ABL2: variants seen among roughly 807,000 people sequenced by gnomAD.
ABL2 encodes tyrosine-protein kinase ABL2.
Under a neutral mutation model 107.7 loss-of-function variants are expected in ABL2, and 49 were observed. That is an observed-to-expected ratio of 0.45 (90% CI 0.36 to 0.58). The LOEUF (loss-of-function observed/expected upper bound fraction) is 0.58. ABL2 is among the 20% of genes least tolerant of loss of function. The pLI is 0.00. For missense variants in ABL2, 1,245 were observed against 1,457.0 expected (o/e 0.85, Z 2.37); for synonymous variants, 549 against 548.6 (o/e 1.00, Z -0.01).
Position 179,108,085 on chromosome 1 carries a change from C to A in ABL2, c.3182G>T (p.Gly1061Val). The change falls in exon 12 of 12, where the codon GGC becomes GTC. Residue 1061 changes from glycine (G) to valine (V), a missense_variant. Physicochemically the swap from Gly to Val is moderately radical, Grantham distance 109. This residue lies in a region of ABL2 where 761 missense variants were observed against 766.4 expected (regional missense o/e 0.99). Transcript: ENST00000502732. ...SSISPAKMAN[G>V]TAGTKVALRK... ...CAGAGCCACTTTAGTACCTGCTGTG[C>A]CATTGGCCATTTTGGCTGGCGAGAT... is the stretch of plus-strand genomic sequence containing the variant. 1 of 1,614,230 alleles carries A rather than the reference C, an allele frequency of 6.2e-7. No individual in the cohort carries two copies. The highest frequency in any genetic ancestry group is 8.5e-7 in the Non-Finnish European group (1 of 1,180,044).
chr1:179,117,277 G>C (rs1314436965), intron 8 of ABL2, 55 bp downstream of exon 8: 16 of 1,518,754 alleles, frequency 1.1e-5, no homozygotes, highest in East Asian at 2.3e-5. Context: ...AAGAATCAAG[G>C]CATTTATAAA....
At chr1:179,116,593 C>T (rs1393454263) in intron 8 of ABL2, among the ~76,000 whole-genome samples, 2 of 151,456 alleles carry the variant, frequency 1.3e-5, no homozygotes, top group Admixed American at 6.6e-5. Flanking sequence ...TCACCGCAAC[C>T]TCCACCTCCC....
intron 1 of ABL2, among the ~76,000 whole-genome samples, chr1:179,223,412 C>CA (rs34625592): frequency 0.51 from 67,217 of 132,120 alleles, 16,127 homozygotes; most frequent in Admixed American, 0.56. Context: ...GACCCTGTCT[C>CA]AAAAAAAAAA....
Position 179,102,188 on chromosome 1 carries a change from T to A in ABL2, c.*5530A>T. 1 of 168,992 alleles carries A rather than the reference T, an allele frequency of 5.9e-6. No homozygotes were observed. Among genetic ancestry groups the A allele is most frequent in the Non-Finnish European group, 1.3e-5 (1 of 77,768 alleles). The allele number at this position is 168,992 out of a possible 1,614,324, so 10.5% of individuals were successfully genotyped here. A position where few individuals can be genotyped will look rare whatever the true frequency, so the allele number is the denominator to read the frequency against. On this transcript the variant is annotated 3_prime_UTR_variant, in exon 12 of 12. Transcript: ENST00000502732. ...CACCACGCCCAGCTAAGTTTTTGTA[T>A]TTTTAGTAGAGGTGGGGTTTCACCG...
intron 6 of ABL2, 83 bp from the exon 7 acceptor site, chr1:179,118,847 T>A: frequency 6.9e-7 from 1 of 1,449,434 alleles, no homozygotes; most frequent in Non-Finnish European, 9.5e-7. Context: ...AATTTGACAA[T>A]TTTTCAGGTC....
intron 1 of ABL2, chr1:179,183,954 A>G (rs980733805): frequency 3.7e-6 from 1 of 267,566 alleles, no homozygotes. Context: ...CGAAGAGAGA[A>G]AAAGAACAGC....
rs563394402 is a variant in ABL2, at chr1:179,173,510, G to C, written c.158-40136C>G. 2.3e-5 allele frequency among the ~76,000 whole-genome samples: 3 copies of C among 132,830 alleles called. No individual in the cohort carries two copies. The South Asian group carries it at 6.9e-4, about 30-fold the overall frequency. 87.1% of individuals were successfully genotyped at this position (132,830 alleles called of 152,430 possible). A position where few individuals can be genotyped will look rare whatever the true frequency, so the allele number is the denominator to read the frequency against. ...CTCTAGCAGCTGGGATTACAGGCAC[G>C]TGCCGCCACGCCTGTATTTTTGGTA... On this transcript the variant is annotated intron_variant, in intron 1 of 11. Transcript: ENST00000502732.
chr1:179,220,219 A>AT (rs1180675245), intron 1 of ABL2, among the ~76,000 whole-genome samples: 1 of 152,270 alleles, frequency 6.6e-6, no homozygotes, highest in Non-Finnish European at 1.5e-5. Context: ...AAATGGGAAG[A>AT]TTAATACCTG....
intron 1 of ABL2, among the ~76,000 whole-genome samples, chr1:179,190,549 A>G (rs190173570): frequency 1.8e-3 from 269 of 152,020 alleles, no homozygotes; most frequent in African/African-American, 6.1e-3. Flanking sequence ...ATTGTTGATG[A>G]CGTTGATGAC....
chr1:179,205,297 T>G (rs1282623203), intron 1 of ABL2, among the ~76,000 whole-genome samples: 1 of 152,174 alleles, frequency 6.6e-6, no homozygotes, highest in Admixed American at 6.5e-5. Context: ...AGTGCTGGGA[T>G]TACAGGCATA....
chr1:179,202,108 TCTC>T (rs1557995612), intron 1 of ABL2, among the ~76,000 whole-genome samples: 2 of 151,460 alleles, frequency 1.3e-5, no homozygotes, highest in Non-Finnish European at 2.9e-5. Flanking sequence ...AAAAAAATAA[TCTC>T]AGCACACTGG....
chr1:179,109,911 C>G (rs897855736), intron 11 of ABL2, among the ~76,000 whole-genome samples: 5 of 138,480 alleles, frequency 3.6e-5, no homozygotes, highest in African/African-American at 1.4e-4. Context: ...CTGGGCGACA[C>G]AGTGAGACTC....
At chr1:179,150,109 G>A (rs72709464) in intron 1 of ABL2, among the ~76,000 whole-genome samples, 3,362 of 151,974 alleles carry the variant, frequency 0.022, 66 homozygotes, top group Middle Eastern at 0.054. Flanking sequence ...GCATGGTGGC[G>A]CACACCTGTA....
chr1:179,174,834 G>C (rs1296162167), intron 1 of ABL2, among the ~76,000 whole-genome samples: 2 of 148,498 alleles, frequency 1.3e-5, no homozygotes, highest in East Asian at 4.0e-4. Flanking sequence ...GGTGGAGGTT[G>C]CAGTGAGGCC....
At chr1:179,152,785 C>T (rs1226056338) in intron 1 of ABL2, among the ~76,000 whole-genome samples, 1 of 152,130 alleles carries the variant, frequency 6.6e-6, no homozygotes, top group Non-Finnish European at 1.5e-5. Flanking sequence ...TAAAAGTCTG[C>T]TGCAGAAAAC....
At chr1:179,178,283 AG>A (rs1342804007) in intron 1 of ABL2, among the ~76,000 whole-genome samples, 2 of 151,720 alleles carry the variant, frequency 1.3e-5, no homozygotes, top group African/African-American at 4.8e-5. Context: ...CTGCAGTCCC[AG>A]CTACTTGAGA....
chr1:179,123,644 T>C (rs1011294500), intron 4 of ABL2, among the ~76,000 whole-genome samples: 4 of 152,184 alleles, frequency 2.6e-5, no homozygotes, highest in Admixed American at 2.0e-4. Flanking sequence ...TATGTATTTT[T>C]GAGAAATAAG....
At chr1:179,177,533 T>C (rs763445449) in intron 1 of ABL2, among the ~76,000 whole-genome samples, 14 of 152,216 alleles carry the variant, frequency 9.2e-5, no homozygotes, top group Non-Finnish European at 1.8e-4. Flanking sequence ...CAAGAAACAG[T>C]AGATTAAGGA....
At chr1:179,136,133 G>C (rs1316550644) in intron 1 of ABL2, among the ~76,000 whole-genome samples, 1 of 149,812 alleles carries the variant, frequency 6.7e-6, no homozygotes, top group East Asian at 2.0e-4. Context: ...CGGGAGGTGA[G>C]GGGCGCCTCT....
Sources: allele counts gnomAD v4.1 joint callset (sites outside exome capture counted in the v4.1 genomes callset), GRCh38; gene constraint gnomAD v4.1.1; regional missense constraint gnomAD v4.1.1; transcripts MANE v1.5; gene names NCBI Gene and HGNC (gene_info 2026-07-23, HGNC 2026-07-21).